The following TMLHE variants were observed in gnomAD, a reference collection of about 807,000 sequenced individuals.
TMLHE encodes trimethyllysine dioxygenase, mitochondrial.
Under a neutral mutation model 25.7 loss-of-function variants are expected in TMLHE, and 18 were observed. The observed-to-expected ratio is 0.70, with a 90% CI of 0.48 to 1.04. The LOEUF is 1.04. Among genes scored for constraint, TMLHE ranks in the 50% least tolerant of loss-of-function variants. The pLI is 0.00. For missense variants in TMLHE, 236 were observed against 259.0 expected (o/e 0.91, Z 0.61); for synonymous variants, 105 against 97.0 (o/e 1.08, Z -0.49).
chrX:155,505,313 C>T lies in TMLHE; in HGVS notation c.995+1585G>A, dbSNP rs1359334302. Among the ~76,000 whole-genome samples the T allele has an allele frequency of 3.6e-5, 4 of 111,580 alleles. No homozygotes were observed. In the Admixed American group the frequency reaches 3.8e-4, roughly 11 times the overall value. ...ATGTTGGGAAAATAGAGTTACTACT[C>T]ATTGTTTTAGGCACTTAGATATATG... On this transcript the variant is annotated intron_variant, in intron 6 of 7. Transcript: ENST00000334398.
intron 3 of TMLHE, among the ~76,000 whole-genome samples, chrX:155,515,613 C>A (rs2067147411): frequency 9.0e-6 from 1 of 111,671 alleles, no homozygotes; most frequent in South Asian, 3.7e-4. Flanking sequence ...ACATATGTGT[C>A]CATCAAAATG....
At chrX:155,569,014 G>T (rs1371589727) in intron 1 of TMLHE, among the ~76,000 whole-genome samples, 1 of 59,316 alleles carries the variant, frequency 1.7e-5, no homozygotes. Context: ...AGAGAAGAAG[G>T]CTTCAGATGA....
At chrX:155,511,856 C>G in intron 4 of TMLHE, 64 bp from the exon 5 acceptor site, 13 of 1,062,720 alleles carry the variant, frequency 1.2e-5, no homozygotes, top group Non-Finnish European at 1.5e-5. Context: ...TCTTTCAAAA[C>G]TCCTTCCAAT....
At chrX:155,513,003 T>G (rs1345550336) in intron 4 of TMLHE, among the ~76,000 whole-genome samples, 1 of 111,696 alleles carries the variant, frequency 9.0e-6, no homozygotes, top group Admixed American at 9.6e-5. Flanking sequence ...CTCTTCCTTT[T>G]GAACTATCAT....
At chrX:155,594,205 C>A (rs891090557) in intron 1 of TMLHE, among the ~76,000 whole-genome samples, 1 of 111,442 alleles carries the variant, frequency 9.0e-6, no homozygotes, top group Non-Finnish European at 1.9e-5. Context: ...AGAAACACAT[C>A]ACATACAAGG....
intron 1 of TMLHE, among the ~76,000 whole-genome samples, chrX:155,547,955 G>A (rs1557339119): frequency 9.0e-6 from 1 of 110,830 alleles, no homozygotes; most frequent in Non-Finnish European, 1.9e-5. Context: ...AGAAAACAAA[G>A]TCTCTCCTCC....
intron 1 of TMLHE, among the ~76,000 whole-genome samples, chrX:155,554,301 C>A (rs144616109): frequency 0.011 from 1,175 of 110,967 alleles, 22 homozygotes; most frequent in Non-Finnish European, 0.016. Context: ...GCCTGAAGAT[C>A]CTTAATATTT....
At chrX:155,531,780 T>C in intron 2 of TMLHE, among the ~76,000 whole-genome samples, 1 of 111,615 alleles carries the variant, frequency 9.0e-6, no homozygotes, top group African/African-American at 3.3e-5. Flanking sequence ...CAACTAGGCC[T>C]ATGGACATCT....
At chrX:155,577,467 T>C (rs2067598000) in intron 1 of TMLHE, among the ~76,000 whole-genome samples, 1 of 109,254 alleles carries the variant, frequency 9.2e-6, no homozygotes, top group African/African-American at 3.3e-5. Context: ...TAGTCCCAGA[T>C]ACTCAGGGAG....
chrX:155,540,015 G>T (rs1483288079), intron 2 of TMLHE, among the ~76,000 whole-genome samples: 2 of 108,564 alleles, frequency 1.8e-5, no homozygotes, highest in Non-Finnish European at 3.8e-5. Context: ...AAACAACAAA[G>T]AATGAAGAAA....
chrX:155,516,013 C>CTTTT (rs11427691), intron 3 of TMLHE, among the ~76,000 whole-genome samples: 3 of 82,064 alleles, frequency 3.7e-5, no homozygotes, highest in African/African-American at 1.3e-4. Context: ...TACTTTTCTT[C>CTTTT]TTTTTTTTTT....
chrX:155,605,577 C>CGTAA (rs2067782230), intron 1 of TMLHE, among the ~76,000 whole-genome samples: 1 of 111,474 alleles, frequency 9.0e-6, no homozygotes, highest in African/African-American at 3.3e-5. Context: ...GCCTGCCTTA[C>CGTAA]AAGAGGTCCT....
At chrX:155,608,421 G>T (rs782656503) in intron 1 of TMLHE, among the ~76,000 whole-genome samples, 3 of 111,793 alleles carry the variant, frequency 2.7e-5, no homozygotes, top group Non-Finnish European at 5.6e-5. Flanking sequence ...AAATGGATTA[G>T]ACTTAAATGT....
At chrX:155,547,508 C>T (rs782321123) in intron 1 of TMLHE, among the ~76,000 whole-genome samples, 1 of 111,238 alleles carries the variant, frequency 9.0e-6, no homozygotes, top group East Asian at 2.8e-4. Flanking sequence ...AGCCACCATT[C>T]AAGATGTTCA....
chrX:155,597,210 A>G (rs1252596643), intron 1 of TMLHE, among the ~76,000 whole-genome samples: 1 of 110,206 alleles, frequency 9.1e-6, no homozygotes, highest in Admixed American at 9.7e-5. Flanking sequence ...ACATGAACTC[A>G]TCATTTTTTA....
chrX:155,603,389 A>T (rs908610848), intron 1 of TMLHE, among the ~76,000 whole-genome samples: 17 of 110,478 alleles, frequency 1.5e-4, no homozygotes, highest in South Asian at 3.9e-4. Flanking sequence ...AAAGAAAGAA[A>T]GAAAGAAAGA....
At chrX:155,597,543 A>G (rs1356825256) in intron 1 of TMLHE, among the ~76,000 whole-genome samples, 3 of 111,910 alleles carry the variant, frequency 2.7e-5, no homozygotes, top group Non-Finnish European at 5.6e-5. Flanking sequence ...AGACACATGC[A>G]CACGTATGTT....
intron 1 of TMLHE, among the ~76,000 whole-genome samples, chrX:155,607,287 G>T (rs2067792671): frequency 8.9e-6 from 1 of 112,184 alleles, no homozygotes; most frequent in African/African-American, 3.2e-5. Flanking sequence ...ATCAATAAAT[G>T]TTATTAATCA....
chrX:155,515,447 T>A (rs1603021191), intron 3 of TMLHE, among the ~76,000 whole-genome samples: 1 of 110,797 alleles, frequency 9.0e-6, no homozygotes, highest in Non-Finnish European at 1.9e-5. Context: ...TCTTTAACCA[T>A]ATTTCTATAA....
Sources: gnomAD v4.1 joint callset for allele counts (sites outside exome capture counted in the v4.1 genomes callset) on GRCh38, gnomAD v4.1.1 for gene constraint, MANE v1.5 for transcripts, NCBI Gene and HGNC (gene_info 2026-07-23, HGNC 2026-07-21) for gene names.